GLRB: variants seen among roughly 807,000 people sequenced by gnomAD.
GLRB encodes the protein glycine receptor beta, also known as glycine receptor subunit beta.
A neutral mutation model predicts 54.2 loss-of-function variants in GLRB; 33 were observed. The ratio of observed to expected loss-of-function variants is 0.61; its 90% CI spans 0.46 to 0.81. GLRB has a LOEUF of 0.81. Ranked by LOEUF, GLRB falls within the 40% of genes least tolerant of loss-of-function variation. The pLI, the probability that GLRB is intolerant of heterozygous loss-of-function variation, is 0.00. For synonymous variants in GLRB, 209 were observed against 208.2 expected (o/e 1.00, Z -0.03); for missense variants, 572 against 584.6 (o/e 0.98, Z 0.22).
intron 2 of GLRB, among the ~76,000 whole-genome samples, chr4:157,089,396 C>T (rs1014798296): frequency 6.6e-6 from 1 of 151,944 alleles, no homozygotes; most frequent in Non-Finnish European, 1.5e-5. Flanking sequence ...CAGAGGGAGA[C>T]CCTGTTTCAA....
intron 2 of GLRB, among the ~76,000 whole-genome samples, chr4:157,101,842 G>C (rs1159744328): frequency 6.7e-6 from 1 of 150,210 alleles, no homozygotes; most frequent in Non-Finnish European, 1.5e-5. Flanking sequence ...GGGTTGGGTG[G>C]GGGCGGTTGT....
rs181394935 is a variant in GLRB, at chr4:157,111,526, G to T, written c.123-9030G>T. On this transcript the variant is annotated intron_variant, in intron 2 of 9. Transcript: ENST00000264428. ...ATGCTGTGCTGGGGTTTTAGGGGTGGGGATTAGGGCTGGAGGGTGTCTTAT... is the reference window on the plus strand; with the variant it reads ...ATGCTGTGCTGGGGTTTTAGGGGTGTGGATTAGGGCTGGAGGGTGTCTTAT... Among the ~76,000 whole-genome samples, 32 of 152,028 alleles carry T rather than the reference G, an allele frequency of 2.1e-4. No homozygotes were observed. In the East Asian group the frequency reaches 6.0e-3, roughly 29 times the overall value.
At chr4:157,126,515 G>A (rs906336668) in intron 4 of GLRB, among the ~76,000 whole-genome samples, 2 of 151,730 alleles carry the variant, frequency 1.3e-5, no homozygotes, top group East Asian at 3.9e-4. Context: ...ATTAACAGTA[G>A]CATCACCAAA....
chr4:157,136,935 G>A (rs771827425), intron 6 of GLRB, 49 bp downstream of exon 6: 37 of 1,121,294 alleles, frequency 3.3e-5, no homozygotes, highest in East Asian at 3.1e-4. Flanking sequence ...TGTTTAAAAT[G>A]TCTGGGTAAT....
At chr4:157,137,996 T>G (rs574542746) in intron 6 of GLRB, among the ~76,000 whole-genome samples, 19 of 152,310 alleles carry the variant, frequency 1.2e-4, no homozygotes, top group African/African-American at 4.6e-4. Flanking sequence ...TGTAATTATG[T>G]CCCTTTGAGG....
At chr4:157,087,198 G>T (rs79035919) in intron 2 of GLRB, among the ~76,000 whole-genome samples, 5,182 of 152,106 alleles carry the variant, frequency 0.034, 175 homozygotes, top group South Asian at 0.16. Context: ...TGGTTCACTG[G>T]GACTGTATTT....
chr4:157,094,525 C>G (rs1200460840), intron 2 of GLRB, among the ~76,000 whole-genome samples: 1 of 152,090 alleles, frequency 6.6e-6, no homozygotes, highest in Non-Finnish European at 1.5e-5. Flanking sequence ...ATACAAATAA[C>G]TTTTAGGCAT....
chr4:157,120,639 C>T lies in GLRB; in HGVS notation c.206C>T (p.Pro69Leu). 1 of 1,581,896 alleles carries T rather than the reference C, an allele frequency of 6.3e-7. No homozygotes were observed. Among genetic ancestry groups the T allele is most frequent in the South Asian group, 1.1e-5 (1 of 90,332 alleles). ...AACAGGTTATTGGTCAGTTATGATCCCAGGATAAGACCAAACTTCAAAGGT... is the reference window on the plus strand; with the variant it reads ...AACAGGTTATTGGTCAGTTATGATCTCAGGATAAGACCAAACTTCAAAGGT... ...ILNRLLVSYD[P>L]RIRPNFKGIP... Residue 69 changes from proline to leucine, a missense_variant, in exon 3 of 10, where the codon CCC (proline) becomes CTC (leucine). Transcript: ENST00000264428.
At chr4:157,099,004 C>A (rs533722735) in intron 2 of GLRB, among the ~76,000 whole-genome samples, 5 of 152,210 alleles carry the variant, frequency 3.3e-5, no homozygotes, top group East Asian at 3.9e-4. Flanking sequence ...AGGGAGAAAC[C>A]TAACTAAAGT....
intron 2 of GLRB, among the ~76,000 whole-genome samples, chr4:157,108,187 C>A (rs1735291598): frequency 6.6e-6 from 1 of 152,106 alleles, no homozygotes; most frequent in South Asian, 2.1e-4. Flanking sequence ...GTTTTCATGC[C>A]TGCTAATACA....
At chr4:157,085,687 T>TG (rs1734384189) in intron 2 of GLRB, among the ~76,000 whole-genome samples, 1 of 151,996 alleles carries the variant, frequency 6.6e-6, no homozygotes, top group Admixed American at 6.6e-5. Context: ...TCAGTAGAGA[T>TG]GGGGTTTCAC....
intron 7 of GLRB, among the ~76,000 whole-genome samples, chr4:157,143,402 G>C (rs951439772): frequency 1.3e-5 from 2 of 151,716 alleles, no homozygotes; most frequent in Non-Finnish European, 1.5e-5. Context: ...TGTAGTCCCG[G>C]AGTGTTTCTT....
intron 9 of GLRB, among the ~76,000 whole-genome samples, chr4:157,156,574 A>G (rs1383486855): frequency 6.6e-6 from 1 of 152,086 alleles, no homozygotes; most frequent in Non-Finnish European, 1.5e-5. Context: ...TTCTTGGACA[A>G]TGTCTTCTGT....
At chr4:157,090,387 G>T (rs996275905) in intron 2 of GLRB, among the ~76,000 whole-genome samples, 1 of 152,172 alleles carries the variant, frequency 6.6e-6, no homozygotes, top group Non-Finnish European at 1.5e-5. Context: ...TTAATGGCTG[G>T]TTTAATGGAA....
At chr4:157,105,043 C>T (rs929698539) in intron 2 of GLRB, among the ~76,000 whole-genome samples, 1 of 150,790 alleles carries the variant, frequency 6.6e-6, no homozygotes, top group African/African-American at 2.4e-5. Flanking sequence ...TATTTCTTTT[C>T]CTGTTCTAGT....
chr4:157,139,955 C>T (rs947635985), intron 7 of GLRB, among the ~76,000 whole-genome samples: 2 of 151,918 alleles, frequency 1.3e-5, no homozygotes, highest in Non-Finnish European at 2.9e-5. Context: ...TAATTTAAAA[C>T]ATTCCTGTTA....
At chr4:157,101,926 G>T (rs893267894) in intron 2 of GLRB, among the ~76,000 whole-genome samples, 1 of 151,580 alleles carries the variant, frequency 6.6e-6, no homozygotes, top group Admixed American at 6.6e-5. Flanking sequence ...ATTTCATCCT[G>T]GTACTATTCA....
intron 2 of GLRB, among the ~76,000 whole-genome samples, chr4:157,108,039 C>T (rs923830380): frequency 2.0e-5 from 3 of 152,064 alleles, no homozygotes; most frequent in South Asian, 2.1e-4. Flanking sequence ...TTGTTTACAA[C>T]ATGATTTACT....
intron 9 of GLRB, among the ~76,000 whole-genome samples, chr4:157,166,190 T>C (rs1235265195): frequency 6.6e-6 from 1 of 152,042 alleles, no homozygotes; most frequent in African/African-American, 2.4e-5. Flanking sequence ...TGCCAATAAT[T>C]TTCAGAAGTG....
Sources: gnomAD v4.1 joint callset for allele counts (sites outside exome capture counted in the v4.1 genomes callset) on GRCh38, gnomAD v4.1.1 for gene constraint, MANE v1.5 for transcripts, NCBI Gene and HGNC (gene_info 2026-07-23, HGNC 2026-07-21) for gene names.